Variants in RBM39 observed in about 807,000 individuals in gnomAD.
The protein encoded by RBM39 is RNA-binding protein 39.
In RBM39, 12 loss-of-function variants were observed where a neutral mutation model predicts 79.6. The observed-to-expected ratio is 0.15, with a 90% confidence interval of 0.10 to 0.24. RBM39 has a LOEUF of 0.24. RBM39 is among the 10% of genes least tolerant of loss of function. RBM39 has a pLI of 1.00. For synonymous variants in RBM39, 185 were observed against 208.4 expected (o/e 0.89, Z 0.97); for missense variants, 243 against 653.4 (o/e 0.37, Z 6.85).
rs527656247 is a variant in RBM39 at position 35,735,156 on chromosome 20, A to G, written c.102-3021T>C. The G allele has an allele frequency of 1.2e-5, 16 of 1,390,214 alleles. No individual in the cohort carries two copies. In the African/African-American group the frequency reaches 1.3e-4, roughly 11 times the overall value. 86.1% of individuals were successfully genotyped at this position (1,390,214 alleles called of 1,614,324 possible). ...GATAATCCACACCACAGTAGCCAAT[A>G]TATTTCAACTGTGTCATTTTAATGT... On this transcript the variant is annotated intron_variant, in intron 3 of 16. Coordinates refer to ENST00000253363, the MANE Select transcript of RBM39 (RefSeq NM_184234.3).
At chr20:35,733,746 T>G (rs763379903) in intron 3 of RBM39, among the ~76,000 whole-genome samples, 3 of 152,210 alleles carry the variant, frequency 2.0e-5, no homozygotes, top group Non-Finnish European at 4.4e-5. Flanking sequence ...TTAAGCCAGT[T>G]TATAGAAACC....
At chr20:35,716,884 A>C in intron 9 of RBM39, 79 bp from the exon 10 acceptor site, 1 of 926,326 alleles carries the variant, frequency 1.1e-6, no homozygotes, top group Non-Finnish European at 1.7e-6. Context: ...TGGTTTTAAA[A>C]ATCTACCAGT....
intron 12 of RBM39, among the ~76,000 whole-genome samples, chr20:35,711,383 TACTC>T (rs1002050549): frequency 2.6e-5 from 4 of 152,160 alleles, no homozygotes; most frequent in African/African-American, 4.8e-5. Flanking sequence ...AATCGACAAT[TACTC>T]ACTGTAAAGG....
intron 3 of RBM39, 135 bp downstream of exon 3, chr20:35,738,833 G>T: frequency 1.3e-6 from 1 of 785,108 alleles, no homozygotes; most frequent in Non-Finnish European, 2.0e-6. Flanking sequence ...AAAAGGCAAA[G>T]AACCAATTTT....
rs756169301 is a variant in RBM39 at position 35,714,286 on chromosome 20, G to A, written c.995C>T (p.Ala332Val). The change falls in exon 11 of 17, where the codon GCT (alanine) becomes GTT (valine). Residue 332 changes from alanine (A) to valine (V), a missense_variant. By Grantham distance (64) the Ala-to-Val change is moderately conservative (BLOSUM62 0). Transcript: ENST00000253363. ...KVGHVTERTD[A>V]SSASSFLDSD... ...GTCCAAAAATGAACTAGCACTCGAA[G>A]CATCAGTACGTTCAGTAACATGACC... The A allele has an allele frequency of 6.2e-7, 1 of 1,614,056 alleles. No homozygotes were observed. The highest frequency in any genetic ancestry group is 2.2e-5 in the East Asian group (1 of 44,870).
rs549500566 is a variant in RBM39 at position 35,735,226 on chromosome 20, G to A, written c.102-3091C>T. On this transcript the variant is annotated intron_variant, in intron 3 of 16. Transcript: ENST00000253363. ...CTCTAAAGAGCTTAACGGAATGGAC[G>A]CTGATTTAGACTTTGCAAAACTGGT... The A allele has an allele frequency of 2.6e-5, 32 of 1,237,558 alleles. No individual in the cohort carries two copies. In the South Asian group the frequency reaches 2.7e-4, roughly 11 times the overall value. The allele number at this position is 1,237,558 out of a possible 1,614,324, so 76.7% of individuals were successfully genotyped here.
At chr20:35,717,253 C>G (rs1462896406) in intron 9 of RBM39, among the ~76,000 whole-genome samples, 1 of 151,062 alleles carries the variant, frequency 6.6e-6, no homozygotes, top group Admixed American at 6.6e-5. Context: ...GTACTCCAGC[C>G]TGGACAACAG....
intron 1 of RBM39, 29 bp from the exon 2 acceptor site, chr20:35,740,916 G>A (rs763861403): frequency 6.0e-6 from 9 of 1,498,732 alleles, no homozygotes; most frequent in Admixed American, 1.8e-5. Flanking sequence ...AATTTCTTGA[G>A]TAAACATTTC....
chr20:35,739,730 CTCT>C (rs1216221981), intron 2 of RBM39: 4 of 332,190 alleles, frequency 1.2e-5, no homozygotes, highest in Non-Finnish European at 2.4e-5. Flanking sequence ...CAGAAAGTAG[CTCT>C]TCAAGAGTCT....
At position 35,727,263 on chromosome 20, in the gene RBM39, T is replaced by C. The variant is rs6119645; in HGVS notation, c.416+2049A>G. 5.9e-3 allele frequency among the ~76,000 whole-genome samples: 901 copies of C among 151,970 alleles called. 8 individuals are homozygous for C. The highest frequency in any genetic ancestry group is 0.02 in the African/African-American group (835 of 41,426). Reference sequence around the variant, plus strand: ...ACTCGGGAGGCTAACCTGGGTGGGATTGCTTATGACCGGCCATTAGAAACT... The same window carrying C: ...ACTCGGGAGGCTAACCTGGGTGGGACTGCTTATGACCGGCCATTAGAAACT... On this transcript the variant is annotated intron_variant, in intron 6 of 16. Coordinates refer to ENST00000253363, the MANE Select transcript of RBM39 (RefSeq NM_184234.3).
At chr20:35,741,034 T>TTTTTTTTTTTTTC in intron 1 of RBM39, 147 bp from the exon 2 acceptor site, 1 of 323,920 alleles carries the variant, frequency 3.1e-6, no homozygotes, top group Non-Finnish European at 5.2e-6. Context: ...ATTTTTCTTT[T>TTTTTTTTTTTTTC]TTTTTTTTTT....
At chr20:35,738,186 T>G (rs552976039) in intron 3 of RBM39, among the ~76,000 whole-genome samples, 5 of 151,174 alleles carry the variant, frequency 3.3e-5, no homozygotes, top group Non-Finnish European at 7.4e-5. Context: ...AAGAATCACT[T>G]GAACCCAGGA....
At chr20:35,733,779 T>C (rs764322661) in intron 3 of RBM39, among the ~76,000 whole-genome samples, 3 of 152,170 alleles carry the variant, frequency 2.0e-5, no homozygotes, top group Non-Finnish European at 2.9e-5. Context: ...TCAAAACCAA[T>C]GATCAACTTG....
At chr20:35,722,411 AAAATAAAAAT>A (rs1160662278) in intron 8 of RBM39, among the ~76,000 whole-genome samples, 25 of 113,834 alleles carry the variant, frequency 2.2e-4, no homozygotes, top group African/African-American at 6.1e-4. Context: ...AGTCTCAAAA[AAAATAAAAAT>A]AAAAAAAAAA....
At chr20:35,708,961 T>TA (rs1400219531) in intron 13 of RBM39, 1 of 349,670 alleles carries the variant, frequency 2.9e-6, no homozygotes, top group Non-Finnish European at 5.2e-6. Flanking sequence ...CAGGTAGGCA[T>TA]AAAACAAAAA....
intron 7 of RBM39, 132 bp from the exon 8 acceptor site, chr20:35,724,854 T>C: frequency 2.5e-6 from 3 of 1,192,082 alleles, no homozygotes; most frequent in South Asian, 3.1e-5. Context: ...GGACAATTCC[T>C]ATATCCTATC....
chr20:35,721,674 C>A, intron 9 of RBM39, 66 bp downstream of exon 9: 2 of 1,519,328 alleles, frequency 1.3e-6, no homozygotes, highest in African/African-American at 2.8e-5. Flanking sequence ...GCAAGACATA[C>A]AGAAATTATG....
chr20:35,734,721 TAA>T, intron 3 of RBM39: 1 of 1,016,072 alleles, frequency 9.8e-7, no homozygotes, highest in Non-Finnish European at 1.3e-6. Flanking sequence ...CCCAGGCAGG[TAA>T]AAAGACAGCA....
chr20:35,735,754 T>C (rs2039838114), intron 3 of RBM39, among the ~76,000 whole-genome samples: 1 of 152,232 alleles, frequency 6.6e-6, no homozygotes. Flanking sequence ...TCACCTATAA[T>C]TGACGAGAAG....
Sources: gnomAD v4.1 joint callset for allele counts (sites outside exome capture counted in the v4.1 genomes callset) on GRCh38, gnomAD v4.1.1 for gene constraint, MANE v1.5 for transcripts, NCBI Gene and HGNC (gene_info 2026-07-23, HGNC 2026-07-21) for gene names.